The following TAF4 variants were observed in gnomAD, a reference collection of about 807,000 sequenced individuals.
The protein encoded by TAF4 is TATA-box binding protein associated factor 4.
A neutral mutation model predicts 90.3 loss-of-function variants in TAF4; 9 were observed. That is an observed-to-expected ratio of 0.10 (90% CI 0.06 to 0.17). TAF4 has a LOEUF of 0.17. Among genes scored for constraint, TAF4 ranks in the 10% least tolerant of loss-of-function variants. TAF4 has a pLI of 1.00. For missense variants in TAF4, 1,351 were observed against 1,370.7 expected (o/e 0.99, Z 0.23); for synonymous variants, 818 against 638.9 (o/e 1.28, Z -4.23).
rs1328655190 is a variant in TAF4, at chr20:62,065,832, G to A, written c.-22C>T. ...CCATCTTTTTTCCTCGGCCGCCGCC[G>A]CCGCCGCCGCTCGGGCCGAGCGCGC... On this transcript the variant is annotated 5_prime_UTR_variant, in exon 1 of 15. Transcript: ENST00000252996. The A allele has an allele frequency of 1.6e-6, 2 of 1,258,400 alleles. No homozygotes were observed. Among genetic ancestry groups the A allele is most frequent in the South Asian group, 1.4e-5 (1 of 73,280 alleles). 78.0% of individuals were successfully genotyped at this position (1,258,400 alleles called of 1,614,324 possible).
At chr20:62,041,016 A>G (rs1260451511) in intron 1 of TAF4, among the ~76,000 whole-genome samples, 1 of 152,272 alleles carries the variant, frequency 6.6e-6, no homozygotes, top group East Asian at 1.9e-4. Flanking sequence ...AACTGTGGAC[A>G]CGTGTTGCAC....
At chr20:62,056,264 C>G (rs1404648666) in intron 1 of TAF4, among the ~76,000 whole-genome samples, 2 of 152,100 alleles carry the variant, frequency 1.3e-5, no homozygotes, top group Non-Finnish European at 2.9e-5. Context: ...CAAGAACGCG[C>G]TTATACAAAT....
At chr20:62,008,676 G>A (rs1357846710) in intron 5 of TAF4, among the ~76,000 whole-genome samples, 1 of 152,136 alleles carries the variant, frequency 6.6e-6, no homozygotes, top group East Asian at 1.9e-4. Context: ...CGGACACCTG[G>A]GAATTTTATA....
At chr20:62,023,950 C>T (rs907462115) in intron 1 of TAF4, among the ~76,000 whole-genome samples, 3 of 151,698 alleles carry the variant, frequency 2.0e-5, no homozygotes, top group African/African-American at 4.8e-5. Context: ...GGTGTGGGCA[C>T]GCCTGTGGTC....
intron 4 of TAF4, 81 bp from the exon 5 acceptor site, chr20:62,009,255 T>C (rs1568930798): frequency 6.0e-6 from 8 of 1,337,036 alleles, no homozygotes; most frequent in Non-Finnish European, 8.2e-6. Flanking sequence ...AAAATATGCA[T>C]ATGTACAAAA....
chr20:62,062,041 A>G (rs934691797), intron 1 of TAF4, among the ~76,000 whole-genome samples: 1 of 152,050 alleles, frequency 6.6e-6, no homozygotes, highest in African/African-American at 2.4e-5. Context: ...GCCCTTTCAC[A>G]CCCCATCCAA....
chr20:62,040,583 C>T (rs1174249445), intron 1 of TAF4, among the ~76,000 whole-genome samples: 1 of 152,214 alleles, frequency 6.6e-6, no homozygotes, highest in African/African-American at 2.4e-5. Flanking sequence ...GAGAAAGGTG[C>T]GCTCTGCCAC....
chr20:62,036,316 C>T (rs974222383), intron 1 of TAF4, among the ~76,000 whole-genome samples: 4 of 152,234 alleles, frequency 2.6e-5, no homozygotes, highest in Non-Finnish European at 4.4e-5. Flanking sequence ...TGAGCCACCG[C>T]GCCTGGCTCA....
intron 1 of TAF4, among the ~76,000 whole-genome samples, chr20:62,018,566 C>T (rs1294256303): frequency 6.6e-6 from 1 of 152,228 alleles, no homozygotes; most frequent in Non-Finnish European, 1.5e-5. Flanking sequence ...GTGTGGCCCC[C>T]ACCCCGCCCC....
At chr20:61,988,587 G>T (rs2055610449) in intron 14 of TAF4, among the ~76,000 whole-genome samples, 5 of 152,272 alleles carry the variant, frequency 3.3e-5, no homozygotes, top group African/African-American at 1.2e-4. Flanking sequence ...AAGAAGAAAA[G>T]AATGACTGAG....
chr20:62,047,350 T>C lies in TAF4; in HGVS notation c.1360+17101A>G, dbSNP rs28382005. ...TGACACCCCTGAAACACTGACCTTC[T>C]AGAAACATTCTTTTTTTCTGAGAGA... is the stretch of plus-strand genomic sequence containing the variant. On this transcript the variant is annotated intron_variant, in intron 1 of 14. Transcript: ENST00000252996. Among the ~76,000 whole-genome samples the C allele has an allele frequency of 2.8e-3, 419 of 152,264 alleles. 3 individuals are homozygous for C. The highest frequency in any genetic ancestry group is 6.3e-3 in the Admixed American group (96 of 15,294).
chr20:62,035,503 C>T (rs2055927311), intron 1 of TAF4, among the ~76,000 whole-genome samples: 1 of 152,178 alleles, frequency 6.6e-6, no homozygotes, highest in African/African-American at 2.4e-5. Flanking sequence ...AACTGTCAAT[C>T]CAAATAGGAG....
chr20:62,018,308 C>A (rs2055824025), intron 1 of TAF4, among the ~76,000 whole-genome samples: 1 of 152,230 alleles, frequency 6.6e-6, no homozygotes, highest in Non-Finnish European at 1.5e-5. Flanking sequence ...ACTCAGAACA[C>A]CAACGGCTGC....
At chr20:62,054,952 C>A (rs1287017785) in intron 1 of TAF4, among the ~76,000 whole-genome samples, 1 of 152,138 alleles carries the variant, frequency 6.6e-6, no homozygotes, top group Non-Finnish European at 1.5e-5. Flanking sequence ...TTTGTCTTCA[C>A]CCCTCCCTCC....
chr20:61,985,991 T>TACCATCCCCAACCAAAGGAAAC, intron 14 of TAF4, among the ~76,000 whole-genome samples: 1 of 100,782 alleles, frequency 9.9e-6, no homozygotes, highest in Non-Finnish European at 2.1e-5. Context: ...TCAAAGGAAA[T>TACCATCCCCAACCAAAGGAAAC]ACCATCCCCA....
At chr20:62,013,034 C>A in intron 2 of TAF4, 100 bp from the exon 3 acceptor site, 2 of 1,501,772 alleles carry the variant, frequency 1.3e-6, no homozygotes, top group South Asian at 1.3e-5. Flanking sequence ...CTAGTATATC[C>A]AAGTGGGTCC....
chr20:62,029,950 G>C (rs2055895544), intron 1 of TAF4, among the ~76,000 whole-genome samples: 1 of 152,202 alleles, frequency 6.6e-6, no homozygotes, highest in South Asian at 2.1e-4. Flanking sequence ...ACCCACAGTG[G>C]TCAGGGGAAG....
At chr20:61,978,034 A>G (rs915915413) in intron 14 of TAF4, among the ~76,000 whole-genome samples, 4 of 151,828 alleles carry the variant, frequency 2.6e-5, no homozygotes, top group Non-Finnish European at 5.9e-5. Flanking sequence ...CAACCAAGGG[A>G]GGGCACGAGA....
intron 14 of TAF4, among the ~76,000 whole-genome samples, chr20:61,995,271 A>G (rs2055656481): frequency 6.6e-6 from 1 of 152,246 alleles, no homozygotes; most frequent in South Asian, 2.1e-4. Context: ...AAAACCTTAT[A>G]AAACAGCTTT....
Sources: gnomAD v4.1 joint callset for allele counts (sites outside exome capture counted in the v4.1 genomes callset) on GRCh38, gnomAD v4.1.1 for gene constraint, MANE v1.5 for transcripts, NCBI Gene and HGNC (gene_info 2026-07-23, HGNC 2026-07-21) for gene names.